Variants in GRIN2A observed in about 807,000 individuals in gnomAD.
The protein encoded by GRIN2A is glutamate ionotropic receptor NMDA type subunit 2A, also known as glutamate receptor ionotropic, NMDA 2A.
GRIN2A carries 22 observed loss-of-function variants against 113.4 expected under a neutral mutation model. That is an observed-to-expected ratio of 0.19 (90% CI 0.14 to 0.28). The LOEUF is 0.28. Ranked by LOEUF, GRIN2A falls within the 10% of genes least tolerant of loss-of-function variation. GRIN2A has a pLI of 1.00. For missense variants in GRIN2A, 1,502 were observed against 1,887.0 expected (o/e 0.80, Z 3.78); for synonymous variants, 827 against 738.4 (o/e 1.12, Z -1.94).
At chr16:10,107,219 G>T (rs1423395389) in intron 2 of GRIN2A, among the ~76,000 whole-genome samples, 1 of 152,170 alleles carries the variant, frequency 6.6e-6, no homozygotes, top group African/African-American at 2.4e-5. Context: ...GAAGATCTCA[G>T]CACTAGTCCC....
At chr16:9,866,604 T>TG (rs2043164100) in intron 4 of GRIN2A, among the ~76,000 whole-genome samples, 2 of 152,210 alleles carry the variant, frequency 1.3e-5, no homozygotes, top group Non-Finnish European at 2.9e-5. Flanking sequence ...ACTCAACACC[T>TG]GGGGATAATA....
intron 2 of GRIN2A, among the ~76,000 whole-genome samples, chr16:10,102,377 C>T (rs560507413): frequency 6.6e-6 from 1 of 152,312 alleles, no homozygotes; most frequent in African/African-American, 2.4e-5. Context: ...ATGCTACCCC[C>T]CTTTCACCTT....
At position 9,763,865 on chromosome 16, in the gene GRIN2A, G is replaced by A. The variant is rs772873242; in HGVS notation, c.3679C>T (p.His1227Tyr). The change falls in exon 13 of 13, where the codon CAC (histidine) becomes TAC (tyrosine). Residue 1227 changes from histidine (H) to tyrosine (Y), a missense_variant. This residue lies in a region of GRIN2A where 832 missense variants were observed against 789.7 expected (regional missense o/e 1.05). Transcript: ENST00000330684. ...CLSNMPTYSG[H>Y]FTMRSPFKCD... ...TTGAAGGGGGACCTCATGGTGAAGT[G>A]GCCTGAATAGGTGGGCATGTTGGAA... The A allele has an allele frequency of 1.2e-6, 2 of 1,614,106 alleles. No individual in the cohort carries two copies. The highest frequency in any genetic ancestry group is 1.7e-6 in the Non-Finnish European group (2 of 1,180,012).
chr16:9,998,245 T>C (rs997368359), intron 2 of GRIN2A, among the ~76,000 whole-genome samples: 1 of 152,174 alleles, frequency 6.6e-6, no homozygotes, highest in African/African-American at 2.4e-5. Flanking sequence ...TCTGTTGTTA[T>C]ATAAGAGTGG....
At chr16:10,080,464 G>A (rs1216297347) in intron 2 of GRIN2A, among the ~76,000 whole-genome samples, 2 of 152,148 alleles carry the variant, frequency 1.3e-5, no homozygotes, top group African/African-American at 4.8e-5. Flanking sequence ...CCTAAGCATA[G>A]ACCTCTGTGG....
At chr16:10,177,323 C>T (rs1307606333) in intron 2 of GRIN2A, among the ~76,000 whole-genome samples, 2 of 152,126 alleles carry the variant, frequency 1.3e-5, no homozygotes, top group African/African-American at 2.4e-5. Flanking sequence ...TCAATATCAC[C>T]GTTCCACATG....
intron 2 of GRIN2A, among the ~76,000 whole-genome samples, chr16:9,987,831 CA>C (rs2046008788): frequency 6.6e-6 from 1 of 152,068 alleles, no homozygotes; most frequent in Admixed American, 6.6e-5. Context: ...AGCATGGAGT[CA>C]ATTTAATACA....
At chr16:9,793,280 A>G (rs905505722) in intron 11 of GRIN2A, among the ~76,000 whole-genome samples, 3 of 152,176 alleles carry the variant, frequency 2.0e-5, no homozygotes, top group Admixed American at 6.5e-5. Context: ...TTGTGACTGA[A>G]TAATAAAATT....
chr16:9,960,585 G>T (rs1448748216), intron 2 of GRIN2A, among the ~76,000 whole-genome samples: 1 of 152,118 alleles, frequency 6.6e-6, no homozygotes, highest in African/African-American at 2.4e-5. Context: ...TGTATCACTT[G>T]TTCCTAACGT....
intron 3 of GRIN2A, among the ~76,000 whole-genome samples, chr16:9,907,143 G>A (rs1021636111): frequency 3.9e-5 from 6 of 152,294 alleles, no homozygotes; most frequent in East Asian, 1.9e-4. Context: ...TTCAGCCATC[G>A]AAGGACATTT....
At position 10,077,907 on chromosome 16, in the gene GRIN2A, C is replaced by T. The variant is rs567430336; in HGVS notation, c.414+102091G>A. ...TTTAAGACTGCAGCCTTATCTCTGACGTTTCTTGTCTCCAAGGTAAACTCA... is the reference window on the plus strand; with the variant it reads ...TTTAAGACTGCAGCCTTATCTCTGATGTTTCTTGTCTCCAAGGTAAACTCA... On this transcript the variant is annotated intron_variant, in intron 2 of 12. Transcript: ENST00000330684. Among the ~76,000 whole-genome samples the T allele has an allele frequency of 5.3e-5, 8 of 152,286 alleles. 1 individual carries two copies. Among genetic ancestry groups the T allele is most frequent in the East Asian group, 3.9e-4 (2 of 5,186 alleles).
chr16:9,835,175 G>A (rs902697251), intron 7 of GRIN2A, among the ~76,000 whole-genome samples: 1 of 152,122 alleles, frequency 6.6e-6, no homozygotes, highest in Non-Finnish European at 1.5e-5. Flanking sequence ...GTTGATGTTG[G>A]TAGCAGCCTT....
intron 9 of GRIN2A, among the ~76,000 whole-genome samples, chr16:9,825,349 C>T (rs149350701): frequency 3.3e-5 from 5 of 152,296 alleles, no homozygotes; most frequent in East Asian, 1.9e-4. Context: ...TTGTTACCCA[C>T]GACATTTCAG....
intron 2 of GRIN2A, among the ~76,000 whole-genome samples, chr16:10,115,516 C>A (rs939417278): frequency 1.3e-5 from 2 of 152,168 alleles, no homozygotes; most frequent in African/African-American, 4.8e-5. Flanking sequence ...GGGCCTGCGC[C>A]CCCCCATAAA....
intron 4 of GRIN2A, among the ~76,000 whole-genome samples, chr16:9,888,336 G>A (rs1456039057): frequency 6.6e-6 from 1 of 152,120 alleles, no homozygotes; most frequent in Non-Finnish European, 1.5e-5. Context: ...TTTCATATTT[G>A]GTTTAAGAAA....
At chr16:9,786,712 T>A (rs140910172) in intron 11 of GRIN2A, among the ~76,000 whole-genome samples, 68 of 152,308 alleles carry the variant, frequency 4.5e-4, no homozygotes, top group African/African-American at 1.4e-3. Context: ...CCCTCCTGCA[T>A]AGGTACCAAT....
At chr16:9,818,327 A>G (rs2042222157) in intron 10 of GRIN2A, among the ~76,000 whole-genome samples, 1 of 152,116 alleles carries the variant, frequency 6.6e-6, no homozygotes, top group African/African-American at 2.4e-5. Flanking sequence ...ACCACCCACC[A>G]AGAAAAATTC....
At chr16:9,940,017 T>TGAGA (rs71402418) in intron 2 of GRIN2A, among the ~76,000 whole-genome samples, 223 of 134,418 alleles carry the variant, frequency 1.7e-3, no homozygotes, top group South Asian at 3.8e-3. Context: ...GGGATTCCAC[T>TGAGA]GAGAGAGAGA....
At chr16:9,772,397 G>A (rs891400092) in intron 11 of GRIN2A, among the ~76,000 whole-genome samples, 2 of 152,238 alleles carry the variant, frequency 1.3e-5, no homozygotes, top group Admixed American at 1.3e-4. Flanking sequence ...TTGAGATGGG[G>A]TCTCACTACA....
Sources: gnomAD v4.1 joint callset for allele counts (sites outside exome capture counted in the v4.1 genomes callset) on GRCh38, gnomAD v4.1.1 for gene constraint, gnomAD v4.1.1 regional missense constraint, MANE v1.5 for transcripts, NCBI Gene and HGNC (gene_info 2026-07-23, HGNC 2026-07-21) for gene names.